IZUMO2: variants seen among roughly 807,000 people sequenced by gnomAD.
IZUMO2 encodes the protein IZUMO family member 2, also known as izumo sperm-egg fusion protein 2.
In IZUMO2, 24 loss-of-function variants were observed where a neutral mutation model predicts 31.2. That is an observed-to-expected ratio of 0.77 (90% CI 0.56 to 1.08). The LOEUF (loss-of-function observed/expected upper bound fraction) is 1.08. Among genes scored for constraint, IZUMO2 ranks in the 50% least tolerant of loss-of-function variants. The pLI, the probability that IZUMO2 is intolerant of heterozygous loss-of-function variation, is 0.00. For missense variants in IZUMO2, 278 were observed against 274.0 expected (o/e 1.01, Z -0.10); for synonymous variants, 144 against 117.3 (o/e 1.23, Z -1.47).
At chr19:50,161,623 T>C (rs959732044) in intron 2 of IZUMO2, among the ~76,000 whole-genome samples, 1 of 152,118 alleles carries the variant, frequency 6.6e-6, no homozygotes, top group Non-Finnish European at 1.5e-5. Context: ...ATCTCAGGGA[T>C]TCCACCAGCT....
chr19:50,162,848 C>T, intron 1 of IZUMO2, 35 bp from the exon 2 acceptor site: 5 of 1,607,632 alleles, frequency 3.1e-6, no homozygotes, highest in Non-Finnish European at 4.3e-6. Flanking sequence ...TCCAGTGAGC[C>T]CCCCAGAGAG....
intron 2 of IZUMO2, among the ~76,000 whole-genome samples, chr19:50,161,126 CTTTTTTTT>C (rs398040395): frequency 7.2e-6 from 1 of 139,678 alleles, no homozygotes; most frequent in African/African-American, 2.6e-5. Flanking sequence ...TTTCCTTTTT[CTTTTTTTT>C]TTTTTTTGAG....
chr19:50,154,212 T>C (rs1474985879), intron 6 of IZUMO2, among the ~76,000 whole-genome samples: 1 of 149,852 alleles, frequency 6.7e-6, no homozygotes, highest in African/African-American at 2.5e-5. Flanking sequence ...TGAAGCCAAC[T>C]TGGATGATAT....
chr19:50,158,072 GAGTCTTTCCATTTAACAGA>G (rs1313038549), intron 5 of IZUMO2, among the ~76,000 whole-genome samples, 177 bp downstream of exon 5: 2 of 152,050 alleles, frequency 1.3e-5, no homozygotes, highest in Admixed American at 1.3e-4. Context: ...AAGTTCCAGG[GAGTCTTTCCATTTAACAGA>G]TGGAGGAAAG....
At chr19:50,157,464 G>C (rs952045554) in intron 5 of IZUMO2, among the ~76,000 whole-genome samples, 2 of 151,368 alleles carry the variant, frequency 1.3e-5, no homozygotes, top group Non-Finnish European at 2.9e-5. Flanking sequence ...CACCACGCTA[G>C]GGTAGTTTTT....
chr19:50,163,141 G>A lies in IZUMO2; in HGVS notation c.54C>T (p.Gly18=), dbSNP rs755842727. The A allele has an allele frequency of 7.0e-6, 11 of 1,580,540 alleles. No individual in the cohort carries two copies. The Admixed American group carries it at 1.5e-4, about 22-fold the overall frequency. Residue 18 remains glycine (G), a synonymous_variant, in exon 1 of 7, where the codon GGC becomes GGT. Transcript: ENST00000293405. ...AGGGGTCGCACTGCAGGCAGCCCCA[G>A]CCTCCGGGGGCGCCCAAGCCCGAGA... ...LLLSGLGAPG[G]WGCLQCDPLV...
At position 50,152,719 on chromosome 19, in the gene IZUMO2, T is replaced by C; in HGVS notation, c.624-68A>G. The C allele has an allele frequency of 3.1e-6, 4 of 1,307,610 alleles. No homozygotes were observed. The East Asian group carries it at 9.2e-5, about 30-fold the overall frequency. The allele number at this position is 1,307,610 out of a possible 1,614,324, so 81.0% of individuals were successfully genotyped here. On this transcript the variant is annotated intron_variant, in intron 6 of 6. Transcript: ENST00000293405. ...AAGCTTTTCCAGATCAAGAGACCCA[T>C]AACTTCCCTCCCCATAACTTTCCTA...
In IZUMO2 at chr19:50,159,569, G is replaced by A. The variant is rs201185081; in HGVS notation, c.319C>T (p.Leu107=). The change falls in exon 3 of 7, where the codon CTG becomes TTG. Residue 107 remains leucine (L), a synonymous_variant. Coordinates refer to ENST00000293405, the MANE Select transcript of IZUMO2 (RefSeq NM_152358.3). ...GCCCTGAGGGTCACCAGCTCTTCCA[G>A]CAGAGGCTCATCTGAGGAGAGAAAG... is the stretch of plus-strand genomic sequence containing the variant. ...MGNSLKDEPL[L]EELVTLRANV... is the part of the protein sequence containing the mutation. 6.2e-6 allele frequency: 10 copies of A among 1,612,030 alleles called. No individual in the cohort carries two copies. Among genetic ancestry groups the A allele is most frequent in the Middle Eastern group, 3.3e-4 (2 of 6,004 alleles).
intron 2 of IZUMO2, among the ~76,000 whole-genome samples, chr19:50,161,599 CCAAA>C (rs1201077832): frequency 6.6e-6 from 1 of 152,128 alleles, no homozygotes; most frequent in East Asian, 1.9e-4. Flanking sequence ...TGTGACTATG[CCAAA>C]CATAGTCCCA....
intron 2 of IZUMO2, among the ~76,000 whole-genome samples, chr19:50,161,456 C>T (rs992289806): frequency 4.6e-5 from 7 of 152,080 alleles, no homozygotes; most frequent in Admixed American, 2.0e-4. Context: ...CTGTGCAATT[C>T]GTCAGCATGA....
rs763642082 is a variant in IZUMO2 at position 50,162,712 on chromosome 19, G to A, written c.307+27C>T. 5 of 1,586,582 alleles carry A rather than the reference G, an allele frequency of 3.2e-6. No homozygotes were observed. The South Asian group carries it at 4.4e-5, about 14-fold the overall frequency. ...ACCGGCGGAAAGAAGAGGGGTGCTG[G>A]AGAAGGCGTTCCCTCGTCTCTCCTA... On this transcript the variant is annotated intron_variant, in intron 2 of 6. Transcript: ENST00000293405.
intron 4 of IZUMO2, among the ~76,000 whole-genome samples, chr19:50,158,822 C>A (rs2030300147): frequency 6.6e-6 from 1 of 152,112 alleles, no homozygotes. Flanking sequence ...CTTGGCTATA[C>A]AACTCAGTGT....
chr19:50,158,948 G>A (rs188130469), intron 4 of IZUMO2, among the ~76,000 whole-genome samples: 189 of 152,310 alleles, frequency 1.2e-3, no homozygotes, highest in African/African-American at 4.3e-3. Flanking sequence ...TTGGGTGAAA[G>A]AAAAATAAAC....
In IZUMO2 at chr19:50,161,554, G is replaced by A. The variant is rs562708096; in HGVS notation, c.307+1185C>T. Among the ~76,000 whole-genome samples, 5 of 152,046 alleles carry A rather than the reference G, an allele frequency of 3.3e-5. No homozygotes were observed. The South Asian group carries it at 8.3e-4, about 25-fold the overall frequency. On this transcript the variant is annotated intron_variant, in intron 2 of 6. Transcript: ENST00000293405. Reference sequence around the variant, plus strand: ...TCTCATCTTCCATAGAGACAATGTCGCCGTCTCACTCCACTCTGGCCTTCT... The same window carrying A: ...TCTCATCTTCCATAGAGACAATGTCACCGTCTCACTCCACTCTGGCCTTCT...
At chr19:50,157,661 C>G (rs1568437997) in intron 5 of IZUMO2, among the ~76,000 whole-genome samples, 1 of 69,728 alleles carries the variant, frequency 1.4e-5, no homozygotes, top group East Asian at 4.8e-4. Flanking sequence ...CATGGTGGCT[C>G]ACGCCTGTAA....
chr19:50,163,006 A>T lies in IZUMO2; in HGVS notation c.189T>A (p.Pro63=). The T allele has an allele frequency of 1.2e-6, 2 of 1,611,172 alleles. No individual in the cohort carries two copies. Among genetic ancestry groups the T allele is most frequent in the Non-Finnish European group, 1.7e-6 (2 of 1,178,404 alleles). ...AGAVLMGMEG[P]FFRDYALNVF... ...CGTTCAGCGCGTAGTCCCGGAAGAA[A>T]GGCCCCTCCATGCCCATCAGCACGG... The change falls in exon 1 of 7, where the codon CCT becomes CCA. Residue 63 remains proline (P), a synonymous_variant. Transcript: ENST00000293405.
rs377284004 is a variant in IZUMO2 at position 50,154,752 on chromosome 19, G to C, written c.497-26C>G. On this transcript the variant is annotated intron_variant, in intron 5 of 6. Coordinates refer to ENST00000293405, the MANE Select transcript of IZUMO2 (RefSeq NM_152358.3). ...CTGGGGCGGGTGGGGAAACAGCCCC[G>C]ACCTCCACGTCACCACCCCTCCTTA... is the stretch of plus-strand genomic sequence containing the variant. 254 of 1,610,872 alleles carry C rather than the reference G, an allele frequency of 1.6e-4. No homozygotes were observed. In the African/African-American group the frequency reaches 2.7e-3, roughly 17 times the overall value.
chr19:50,154,263 CGTT>C (rs2030129177), intron 6 of IZUMO2, among the ~76,000 whole-genome samples: 6 of 40,628 alleles, frequency 1.5e-4, no homozygotes, highest in Non-Finnish European at 4.1e-5. Context: ...TAACTTTTAG[CGTT>C]TTTTTTTTTT....
intron 5 of IZUMO2, among the ~76,000 whole-genome samples, chr19:50,156,603 A>G (rs1455664381): frequency 7.1e-6 from 1 of 140,586 alleles, no homozygotes; most frequent in African/African-American, 2.5e-5. Context: ...TCATGGAGGG[A>G]AAAAAAAAAA....
Sources: gnomAD v4.1 joint callset for allele counts (sites outside exome capture counted in the v4.1 genomes callset) on GRCh38, gnomAD v4.1.1 for gene constraint, MANE v1.5 for transcripts, NCBI Gene and HGNC (gene_info 2026-07-23, HGNC 2026-07-21) for gene names.